Variants in ZFHX3 observed in about 807,000 individuals in gnomAD.
ZFHX3 encodes zinc finger homeobox protein 3.
ZFHX3 carries 42 observed loss-of-function variants against 279.1 expected under a neutral mutation model. The ratio of observed to expected loss-of-function variants is 0.15; its 90% CI spans 0.12 to 0.19. The LOEUF is 0.19. ZFHX3 is among the 10% of genes least tolerant of loss of function. The probability of loss-of-function intolerance (pLI) is 1.00; values close to 1 mark genes in which losing one functional copy is unlikely to be tolerated. For missense variants in ZFHX3, 4,981 were observed against 4,754.0 expected (o/e 1.05, Z -1.40); for synonymous variants, 2,293 against 1,957.8 (o/e 1.17, Z -4.52).
intron 1 of ZFHX3, among the ~76,000 whole-genome samples, chr16:73,053,983 C>T (rs867545964): frequency 1.3e-5 from 2 of 151,340 alleles, no homozygotes; most frequent in Admixed American, 6.6e-5. Flanking sequence ...CATCAGCAGC[C>T]CCACAAGAAA....
chr16:73,234,432 T>C (rs554524059), intron 5 of ZFHX3, among the ~76,000 whole-genome samples: 1 of 152,350 alleles, frequency 6.6e-6, no homozygotes, highest in African/African-American at 2.4e-5. Flanking sequence ...TTTTTGTTTT[T>C]ATTTTTTGAT....
At chr16:73,193,266 C>T (rs1968081273) in intron 5 of ZFHX3, among the ~76,000 whole-genome samples, 1 of 152,304 alleles carries the variant, frequency 6.6e-6, no homozygotes, top group East Asian at 1.9e-4. Context: ...GACCCTCACT[C>T]AGGAAGGCAC....
chr16:73,874,412 T>C (rs1395520391), intron 1 of ZFHX3, among the ~76,000 whole-genome samples: 1 of 152,214 alleles, frequency 6.6e-6, no homozygotes, highest in East Asian at 1.9e-4. Context: ...AAGTATATCA[T>C]ACACCCCAAG....
intron 1 of ZFHX3, among the ~76,000 whole-genome samples, chr16:73,728,017 C>CCCT (rs71156188): frequency 1.3e-4 from 11 of 87,754 alleles, no homozygotes; most frequent in Admixed American, 6.6e-4. Context: ...CGAATTGTGC[C>CCCT]CCCCCCCCGC....
At chr16:73,378,420 C>T (rs2016762387) in intron 3 of ZFHX3, among the ~76,000 whole-genome samples, 1 of 152,102 alleles carries the variant, frequency 6.6e-6, no homozygotes, top group African/African-American at 2.4e-5. Flanking sequence ...TACTAAACTG[C>T]TCTTTCTCAC....
intron 4 of ZFHX3, among the ~76,000 whole-genome samples, chr16:72,845,500 C>T (rs1275658313): frequency 6.6e-6 from 1 of 152,174 alleles, no homozygotes; most frequent in Non-Finnish European, 1.5e-5. Context: ...CTGAACCAGG[C>T]CTGCGTGGGC....
chr16:73,399,827 T>A (rs909886927), intron 3 of ZFHX3, among the ~76,000 whole-genome samples: 19 of 99,678 alleles, frequency 1.9e-4, no homozygotes, highest in African/African-American at 8.0e-4. Flanking sequence ...GTGTGTGGAG[T>A]GTGGTGTGTG....
rs138311664 is a variant in ZFHX3, at chr16:73,142,466, T to C, written c.-1024+1286A>G. On this transcript the variant is annotated intron_variant, in intron 6 of 17. Coordinates refer to the ZFHX3 transcript ENST00000641206. ...GTTACCAGTGAGTACAGAGGGGGGA[T>C]TATATTCCATCAGTGAGGCCCTTGT... is the stretch of plus-strand genomic sequence containing the variant. 3.2e-4 allele frequency among the ~76,000 whole-genome samples: 48 copies of C among 152,286 alleles called. No homozygotes were observed. The East Asian group carries it at 8.9e-3, about 28-fold the overall frequency.
intron 2 of ZFHX3, among the ~76,000 whole-genome samples, chr16:73,464,208 AAGAG>A (rs376877149): frequency 2.0e-5 from 3 of 151,462 alleles, no homozygotes; most frequent in African/African-American, 7.3e-5. Context: ...GAAAGAGAGA[AAGAG>A]AGAGAGAGAG....
chr16:73,804,256 A>G (rs950916196), intron 1 of ZFHX3, among the ~76,000 whole-genome samples: 11 of 152,234 alleles, frequency 7.2e-5, no homozygotes, highest in Non-Finnish European at 1.3e-4. Flanking sequence ...ACACATAATT[A>G]TATATTATTT....
intron 4 of ZFHX3, among the ~76,000 whole-genome samples, chr16:72,889,501 AAAAAG>A (rs1170220394): frequency 9.9e-5 from 15 of 151,976 alleles, no homozygotes; most frequent in Admixed American, 6.5e-4. Flanking sequence ...AAAAAAAAAA[AAAAAG>A]AAGAAGAAGA....
At chr16:73,178,143 G>A (rs1211127688) in intron 5 of ZFHX3, among the ~76,000 whole-genome samples, 1 of 152,008 alleles carries the variant, frequency 6.6e-6, no homozygotes, top group African/African-American at 2.4e-5. Flanking sequence ...AATTCTAAAT[G>A]TGGATGACTT....
intron 5 of ZFHX3, among the ~76,000 whole-genome samples, chr16:73,152,227 C>T (rs1966960611): frequency 6.6e-6 from 1 of 152,178 alleles, no homozygotes; most frequent in Admixed American, 6.5e-5. Context: ...AATATACAGC[C>T]TGTTAGTTCT....
intron 3 of ZFHX3, chr16:73,401,713 A>G (rs1005609096): frequency 3.3e-5 from 5 of 152,196 alleles, no homozygotes; most frequent in African/African-American, 1.2e-4. Context: ...CTAAAAATTC[A>G]AAGTTATTAT....
intron 4 of ZFHX3, among the ~76,000 whole-genome samples, chr16:72,838,988 G>A (rs927663058): frequency 4.6e-5 from 7 of 151,990 alleles, no homozygotes; most frequent in Non-Finnish European, 1.0e-4. Flanking sequence ...TACACGCTAA[G>A]TAAGAAAGCT....
chr16:73,322,779 G>A (rs2015603584), intron 3 of ZFHX3, among the ~76,000 whole-genome samples: 1 of 152,194 alleles, frequency 6.6e-6, no homozygotes, highest in Non-Finnish European at 1.5e-5. Context: ...CTCTTCAAGT[G>A]CATTTCAAAG....
intron 3 of ZFHX3, among the ~76,000 whole-genome samples, chr16:73,407,302 G>T (rs2017380152): frequency 6.6e-6 from 1 of 152,192 alleles, no homozygotes; most frequent in Admixed American, 6.5e-5. Context: ...TGGAATGACA[G>T]TTCGGCTGTG....
At chr16:73,195,413 ATTTTTTTTTTT>A (rs9302646) in intron 5 of ZFHX3, among the ~76,000 whole-genome samples, 7 of 93,118 alleles carry the variant, frequency 7.5e-5, no homozygotes, top group Admixed American at 4.6e-4. Flanking sequence ...TGTCTTTACT[ATTTTTTTTTTT>A]TTTTTTTTTT....
intron 4 of ZFHX3, among the ~76,000 whole-genome samples, chr16:72,846,384 G>A (rs1468468834): frequency 2.6e-5 from 4 of 152,208 alleles, no homozygotes; most frequent in African/African-American, 4.8e-5. Flanking sequence ...AGCGCTGAGC[G>A]CTAAGCAGGG....
Sources: gnomAD v4.1 joint callset for allele counts (sites outside exome capture counted in the v4.1 genomes callset) on GRCh38, gnomAD v4.1.1 for gene constraint, MANE v1.5 for transcripts, NCBI Gene and HGNC (gene_info 2026-07-23, HGNC 2026-07-21) for gene names.